The following C8orf34 variants were observed in gnomAD, a reference collection of about 807,000 sequenced individuals.
C8orf34 encodes uncharacterized protein C8orf34.
Under a neutral mutation model 68.3 loss-of-function variants are expected in C8orf34, and 65 were observed. The observed-to-expected ratio is 0.95, with a 90% CI of 0.78 to 1.17. C8orf34 has a LOEUF of 1.17. Among genes scored for constraint, C8orf34 ranks in the 50% most tolerant of loss-of-function variants. The probability of loss-of-function intolerance (pLI) is 0.00; values close to 1 mark genes in which losing one functional copy is unlikely to be tolerated. For synonymous variants in C8orf34, 244 were observed against 241.2 expected, an observed-to-expected ratio of 1.01 and a Z score of -0.11; for missense variants, 664 against 655.4, an observed-to-expected ratio of 1.01 and a Z score of -0.14.
intron 7 of C8orf34, among the ~76,000 whole-genome samples, chr8:68,637,255 G>A (rs1164612612): frequency 6.6e-6 from 1 of 152,060 alleles, no homozygotes; most frequent in Non-Finnish European, 1.5e-5. Context: ...ATGTCTTATA[G>A]TCTTCTGTTT....
chr8:68,613,442 C>CA (rs1182185315), intron 7 of C8orf34, among the ~76,000 whole-genome samples: 2 of 137,730 alleles, frequency 1.5e-5, no homozygotes, highest in Admixed American at 7.0e-5. Flanking sequence ...ATCCCTCCCC[C>CA]TCCCCCCACA....
chr8:68,717,970 G>A (rs1015995868), intron 9 of C8orf34, among the ~76,000 whole-genome samples: 1 of 152,100 alleles, frequency 6.6e-6, no homozygotes, highest in Non-Finnish European at 1.5e-5. Context: ...GTTGACACTC[G>A]CATAGTTTCT....
In C8orf34 at chr8:68,537,464, C is replaced by CT. The variant is rs1043055508; in HGVS notation, c.1105+4326dup. Among the ~76,000 whole-genome samples, 456 of 139,054 alleles carry CT rather than the reference C, an allele frequency of 3.3e-3. 1 individual carries two copies. Among genetic ancestry groups the CT allele is most frequent in the African/African-American group, 0.01 (380 of 36,254 alleles). The allele number at this position is 139,054 out of a possible 152,430, so 91.2% of individuals were successfully genotyped here. On this transcript the variant is annotated intron_variant, in intron 7 of 13. Transcript: ENST00000518698. ...AATCTAAGGACTTTCTTTTTATTTTCTTTTTTTTTTTAAAGAGATCAAGTC... is the reference window on the plus strand; with the variant it reads ...AATCTAAGGACTTTCTTTTTATTTTCTTTTTTTTTTTTAAAGAGATCAAGTC...
intron 1 of C8orf34, among the ~76,000 whole-genome samples, chr8:68,385,337 C>T (rs1445625191): frequency 6.6e-6 from 1 of 152,170 alleles, no homozygotes; most frequent in Non-Finnish European, 1.5e-5. Flanking sequence ...AGTATTCATG[C>T]TCTCAATCCC....
chr8:68,650,023 A>G (rs1343377060), intron 8 of C8orf34, among the ~76,000 whole-genome samples: 1 of 150,780 alleles, frequency 6.6e-6, no homozygotes. Context: ...AATCAAATAT[A>G]CATTTAAATT....
chr8:68,583,368 C>A (rs1203154182), intron 7 of C8orf34, among the ~76,000 whole-genome samples: 5 of 152,112 alleles, frequency 3.3e-5, no homozygotes, highest in African/African-American at 1.2e-4. Flanking sequence ...TTAATATCTC[C>A]ACTTATACTG....
chr8:68,417,605 A>T (rs1375076330), intron 1 of C8orf34, among the ~76,000 whole-genome samples: 2 of 152,188 alleles, frequency 1.3e-5, no homozygotes, highest in East Asian at 1.9e-4. Context: ...ATTTTTATAA[A>T]TAATACTGGA....
intron 10 of C8orf34, among the ~76,000 whole-genome samples, chr8:68,762,395 T>C (rs963335796): frequency 3.3e-5 from 5 of 152,222 alleles, no homozygotes; most frequent in African/African-American, 1.2e-4. Context: ...GCTAAATAGT[T>C]TGGCTCTGAA....
intron 1 of C8orf34, among the ~76,000 whole-genome samples, chr8:68,360,049 C>T (rs183617763): frequency 5.3e-4 from 81 of 152,280 alleles, no homozygotes; most frequent in African/African-American, 1.9e-3. Flanking sequence ...CAAAATAACA[C>T]AAGATGTTCC....
chr8:68,802,580 C>T (rs759752000), intron 12 of C8orf34, among the ~76,000 whole-genome samples: 3 of 151,984 alleles, frequency 2.0e-5, no homozygotes, highest in Non-Finnish European at 2.9e-5. Context: ...CTCATTGCAA[C>T]CTCTGCCTCC....
chr8:68,714,017 G>A (rs6472417), intron 9 of C8orf34, among the ~76,000 whole-genome samples: 41,801 of 151,830 alleles, frequency 0.28, 6,297 homozygotes, highest in East Asian at 0.54. Context: ...AGCATACCAC[G>A]TAAACAGAAT....
intron 8 of C8orf34, among the ~76,000 whole-genome samples, chr8:68,668,651 A>G (rs1819914787): frequency 6.6e-6 from 1 of 152,324 alleles, no homozygotes; most frequent in South Asian, 2.1e-4. Flanking sequence ...GTTGTGTTAT[A>G]TGACAGAGCT....
chr8:68,731,458 A>T (rs1821975104), intron 10 of C8orf34, among the ~76,000 whole-genome samples: 2 of 152,194 alleles, frequency 1.3e-5, no homozygotes, highest in Admixed American at 6.5e-5. Flanking sequence ...TTATATGTTT[A>T]TATTGAAAGG....
intron 1 of C8orf34, among the ~76,000 whole-genome samples, chr8:68,419,975 T>G (rs1476843834): frequency 9.2e-6 from 1 of 108,696 alleles, no homozygotes; most frequent in South Asian, 2.9e-4. Context: ...ACTTAAAGTA[T>G]AATAATAAAA....
At chr8:68,674,658 G>A (rs1357352464) in intron 8 of C8orf34, among the ~76,000 whole-genome samples, 1 of 151,988 alleles carries the variant, frequency 6.6e-6, no homozygotes, top group Admixed American at 6.6e-5. Context: ...CTAGAAAATA[G>A]GTCTAAAATG....
chr8:68,558,761 T>A (rs917290013), intron 7 of C8orf34, among the ~76,000 whole-genome samples: 3 of 152,150 alleles, frequency 2.0e-5, no homozygotes, highest in African/African-American at 7.2e-5. Context: ...CATTTCTGAT[T>A]AGCTGTTGAG....
chr8:68,464,620 G>T (rs1031074294), intron 3 of C8orf34, among the ~76,000 whole-genome samples: 1 of 152,060 alleles, frequency 6.6e-6, no homozygotes. Flanking sequence ...CAATGGAACA[G>T]AACAGAGCCC....
intron 7 of C8orf34, among the ~76,000 whole-genome samples, chr8:68,626,394 A>G (rs1361513090): frequency 6.6e-6 from 1 of 152,240 alleles, no homozygotes; most frequent in Admixed American, 6.5e-5. Flanking sequence ...TGTTGTATAT[A>G]AAGTAAACTG....
At chr8:68,788,609 C>T (rs544161427) in intron 12 of C8orf34, among the ~76,000 whole-genome samples, 1 of 152,224 alleles carries the variant, frequency 6.6e-6, no homozygotes, top group South Asian at 2.1e-4. Flanking sequence ...CCCTGTAATC[C>T]CAGCATTTTG....
Sources: allele counts gnomAD v4.1 joint callset (sites outside exome capture counted in the v4.1 genomes callset), GRCh38; gene constraint gnomAD v4.1.1; transcripts MANE v1.5; gene names NCBI Gene and HGNC (gene_info 2026-07-23, HGNC 2026-07-21).